IL1RAPL1: variants seen among roughly 807,000 people sequenced by gnomAD.
IL1RAPL1 encodes interleukin-1 receptor accessory protein-like 1.
In IL1RAPL1, 3 loss-of-function variants were observed where a neutral mutation model predicts 48.4. That is an observed-to-expected ratio of 0.06 (90% confidence interval 0.03 to 0.16). The LOEUF (loss-of-function observed/expected upper bound fraction) is 0.16. IL1RAPL1 is among the 10% of genes least tolerant of loss of function. IL1RAPL1 has a pLI of 1.00. For synonymous variants in IL1RAPL1, 185 were observed against 187.7 expected (o/e 0.99, Z 0.12); for missense variants, 349 against 530.6 (o/e 0.66, Z 3.36).
At chrX:29,506,856 C>A (rs1935336267) in intron 5 of IL1RAPL1, among the ~76,000 whole-genome samples, 1 of 110,872 alleles carries the variant, frequency 9.0e-6, no homozygotes, top group South Asian at 3.9e-4. Context: ...GAGGCAGAGA[C>A]AGTTCTGCCC....
intron 6 of IL1RAPL1, among the ~76,000 whole-genome samples, chrX:29,709,227 G>A (rs1927275962): frequency 9.0e-6 from 1 of 111,627 alleles, no homozygotes; most frequent in African/African-American, 3.3e-5. Context: ...GACTGATGTT[G>A]TGGTGTTTTT....
intron 2 of IL1RAPL1, among the ~76,000 whole-genome samples, chrX:29,210,168 GTTTC>G (rs1402666159): frequency 1.8e-5 from 2 of 111,767 alleles, no homozygotes; most frequent in Admixed American, 9.5e-5. Flanking sequence ...TCTCTGATTT[GTTTC>G]TTTCTTTCAC....
At chrX:29,606,982 A>G (rs1923913014) in intron 5 of IL1RAPL1, among the ~76,000 whole-genome samples, 1 of 111,951 alleles carries the variant, frequency 8.9e-6, no homozygotes, top group African/African-American at 3.2e-5. Flanking sequence ...ATGTTACTAT[A>G]TTGGAAAAAG....
At chrX:28,764,494 G>A (rs1936212688) in intron 1 of IL1RAPL1, among the ~76,000 whole-genome samples, 1 of 111,511 alleles carries the variant, frequency 9.0e-6, no homozygotes, top group Non-Finnish European at 1.9e-5. Context: ...CCTGAGGTCA[G>A]GAGTTTGAGA....
Position 28,811,028 on chromosome X carries a change from T to A in IL1RAPL1, c.82+21603T>A, listed in dbSNP as rs149143447. On this transcript the variant is annotated intron_variant, in intron 2 of 10. Coordinates refer to ENST00000378993, the MANE Select transcript of IL1RAPL1 (RefSeq NM_014271.4). ...CCCCAGCATTCTTCATTTGTATAGA[T>A]ACTAAGTATAAATGACAACTTCCTC... is the stretch of plus-strand genomic sequence containing the variant. Among the ~76,000 whole-genome samples the A allele has an allele frequency of 3.2e-3, 349 of 110,737 alleles. 4 individuals are homozygous for A. The East Asian group carries it at 0.04, about 13-fold the overall frequency.
intron 2 of IL1RAPL1, among the ~76,000 whole-genome samples, chrX:29,046,311 G>A (rs1411256626): frequency 9.0e-6 from 1 of 110,901 alleles, no homozygotes; most frequent in East Asian, 2.8e-4. Flanking sequence ...TCCTGCATTG[G>A]CCTCCCAAAG....
intron 5 of IL1RAPL1, among the ~76,000 whole-genome samples, chrX:29,414,590 G>T (rs1439614811): frequency 1.8e-5 from 2 of 111,165 alleles, no homozygotes; most frequent in Non-Finnish European, 3.8e-5. Context: ...GCATGGTGGT[G>T]CATGTCTGTA....
intron 6 of IL1RAPL1, among the ~76,000 whole-genome samples, chrX:29,746,740 A>G (rs1201820991): frequency 9.0e-6 from 1 of 111,541 alleles, no homozygotes. Context: ...CCCAAGTAGC[A>G]GGGATTACAG....
chrX:28,897,560 C>T (rs970787252), intron 2 of IL1RAPL1, among the ~76,000 whole-genome samples: 29 of 111,822 alleles, frequency 2.6e-4, no homozygotes, highest in Non-Finnish European at 4.5e-4. Flanking sequence ...GGCCACTTAC[C>T]GGACTTAAAA....
At chrX:29,097,476 G>A (rs1928240250) in intron 2 of IL1RAPL1, among the ~76,000 whole-genome samples, 1 of 111,892 alleles carries the variant, frequency 8.9e-6, no homozygotes, top group Non-Finnish European at 1.9e-5. Flanking sequence ...AAGTACTGAA[G>A]CTTCTCCACT....
chrX:28,890,749 A>T (rs189177605), intron 2 of IL1RAPL1, among the ~76,000 whole-genome samples: 1 of 111,881 alleles, frequency 8.9e-6, no homozygotes, highest in East Asian at 2.8e-4. Context: ...TTGAGGTGAA[A>T]ATTGTTCCTA....
chrX:29,378,555 G>A (rs921758647), intron 3 of IL1RAPL1, among the ~76,000 whole-genome samples: 7 of 112,193 alleles, frequency 6.2e-5, no homozygotes, highest in South Asian at 3.7e-4. Context: ...TTGTTTCTGC[G>A]TGTTTTCTGA....
At chrX:29,206,512 T>C (rs1054542788) in intron 2 of IL1RAPL1, among the ~76,000 whole-genome samples, 19 of 111,729 alleles carry the variant, frequency 1.7e-4, no homozygotes, top group Non-Finnish European at 3.6e-4. Flanking sequence ...AGAAACTTGA[T>C]TGCATACAAT....
chrX:29,688,836 A>C (rs1280536163), intron 6 of IL1RAPL1, among the ~76,000 whole-genome samples: 1 of 106,509 alleles, frequency 9.4e-6, no homozygotes, highest in African/African-American at 3.4e-5. Flanking sequence ...TTTCACTTGA[A>C]GAGTATTCCC....
chrX:29,440,840 A>ATT (rs1934539839), intron 5 of IL1RAPL1, among the ~76,000 whole-genome samples: 1 of 111,684 alleles, frequency 9.0e-6, no homozygotes, highest in Non-Finnish European at 1.9e-5. Context: ...CAGTAAATAA[A>ATT]TTTTACAGTT....
intron 1 of IL1RAPL1, among the ~76,000 whole-genome samples, chrX:28,712,127 G>A (rs980147524): frequency 9.0e-6 from 1 of 111,097 alleles, no homozygotes; most frequent in African/African-American, 3.3e-5. Flanking sequence ...GAATTGCTGG[G>A]GTGGTTAAGT....
intron 3 of IL1RAPL1, among the ~76,000 whole-genome samples, chrX:29,319,521 TGTA>T (rs1279626461): frequency 4.4e-4 from 24 of 54,779 alleles, no homozygotes; most frequent in African/African-American, 1.7e-3. Context: ...ATATTTTGTA[TGTA>T]TGTATGTATG....
intron 2 of IL1RAPL1, among the ~76,000 whole-genome samples, chrX:28,958,323 TC>T (rs1415776527): frequency 3.6e-5 from 4 of 111,789 alleles, no homozygotes; most frequent in Non-Finnish European, 7.5e-5. Context: ...TTCTATGAGT[TC>T]AACTTTAGTA....
chrX:29,790,324 A>G (rs1929601503), intron 6 of IL1RAPL1, among the ~76,000 whole-genome samples: 1 of 111,650 alleles, frequency 9.0e-6, no homozygotes, highest in Non-Finnish European at 1.9e-5. Flanking sequence ...CCCCTTATTT[A>G]AAGCCTAAGT....
Sources: gnomAD v4.1 joint callset for allele counts (sites outside exome capture counted in the v4.1 genomes callset) on GRCh38, gnomAD v4.1.1 for gene constraint, MANE v1.5 for transcripts, NCBI Gene and HGNC (gene_info 2026-07-23, HGNC 2026-07-21) for gene names.